Variants in MTUS2 observed in about 807,000 individuals in gnomAD.
MTUS2 encodes microtubule-associated tumor suppressor candidate 2.
MTUS2 carries 40 observed loss-of-function variants against 114.1 expected under a neutral mutation model. The ratio of observed to expected loss-of-function variants is 0.35; its 90% CI spans 0.27 to 0.46. The LOEUF (loss-of-function observed/expected upper bound fraction) is 0.46, where lower values mean the gene tolerates loss of function less well. MTUS2 is among the 20% of genes least tolerant of loss of function. The probability of loss-of-function intolerance (pLI) is 1.00; values close to 1 mark genes in which losing one functional copy is unlikely to be tolerated. For missense variants in MTUS2, 1,679 were observed against 1,705.4 expected (o/e 0.98, Z 0.27); for synonymous variants, 688 against 672.0 (o/e 1.02, Z -0.37).
At chr13:29,034,654 G>T (rs1886981527) in intron 4 of MTUS2, among the ~76,000 whole-genome samples, 1 of 152,222 alleles carries the variant, frequency 6.6e-6, no homozygotes, top group Admixed American at 6.5e-5. Flanking sequence ...AGGCAGATAA[G>T]AGTCAAGCAA....
At chr13:29,228,353 C>T (rs1222495725) in intron 5 of MTUS2, among the ~76,000 whole-genome samples, 1 of 152,198 alleles carries the variant, frequency 6.6e-6, no homozygotes, top group East Asian at 1.9e-4. Flanking sequence ...TGGGATCTCA[C>T]TCTGTTGCCC....
At chr13:28,906,075 A>G (rs1311729650) in intron 2 of MTUS2, among the ~76,000 whole-genome samples, 1 of 151,274 alleles carries the variant, frequency 6.6e-6, no homozygotes, top group Non-Finnish European at 1.5e-5. Context: ...ATGGTAGTTT[A>G]TATTTCTGTG....
chr13:29,064,760 T>C (rs1015843840), intron 4 of MTUS2, among the ~76,000 whole-genome samples: 13 of 152,136 alleles, frequency 8.5e-5, no homozygotes, highest in South Asian at 6.2e-4. Context: ...CCAATAGATA[T>C]TTTTTCTGCT....
intron 8 of MTUS2, among the ~76,000 whole-genome samples, chr13:29,381,950 A>G (rs1440417253): frequency 1.3e-5 from 2 of 152,240 alleles, no homozygotes; most frequent in African/African-American, 4.8e-5. Flanking sequence ...CCATCATTCA[A>G]GAAATAATCA....
chr13:29,138,380 G>A (rs1037968572), intron 5 of MTUS2, among the ~76,000 whole-genome samples: 3 of 151,012 alleles, frequency 2.0e-5, no homozygotes, highest in African/African-American at 7.3e-5. Context: ...TTCCTACTTT[G>A]CCATCTTCTC....
intron 5 of MTUS2, among the ~76,000 whole-genome samples, chr13:29,133,665 T>G (rs1191887432): frequency 6.6e-6 from 1 of 152,198 alleles, no homozygotes; most frequent in African/African-American, 2.4e-5. Flanking sequence ...ACCATAAATG[T>G]AAGGGTTTAC....
intron 5 of MTUS2, among the ~76,000 whole-genome samples, chr13:29,167,366 C>A (rs2139103131): frequency 6.6e-6 from 1 of 150,434 alleles, no homozygotes; most frequent in South Asian, 2.1e-4. Context: ...CAGAGCAAGA[C>A]TCTATCTCAG....
intron 2 of MTUS2, among the ~76,000 whole-genome samples, chr13:28,972,582 G>T (rs1405058024): frequency 6.6e-6 from 1 of 152,112 alleles, no homozygotes; most frequent in Non-Finnish European, 1.5e-5. Context: ...AGCCACTTAG[G>T]TTAGTTTTAC....
At chr13:28,960,509 T>A (rs1056075647) in intron 2 of MTUS2, among the ~76,000 whole-genome samples, 1 of 152,186 alleles carries the variant, frequency 6.6e-6, no homozygotes, top group African/African-American at 2.4e-5. Context: ...TACAATTGAA[T>A]GTTATTCAGC....
chr13:29,069,413 A>G (rs1489121473), intron 4 of MTUS2, among the ~76,000 whole-genome samples: 2 of 152,296 alleles, frequency 1.3e-5, no homozygotes, highest in African/African-American at 4.8e-5. Context: ...ACCTTCGTCT[A>G]CCTTTTTGCT....
chr13:29,386,265 A>G (rs1279781768), intron 8 of MTUS2, among the ~76,000 whole-genome samples: 1 of 152,194 alleles, frequency 6.6e-6, no homozygotes, highest in Non-Finnish European at 1.5e-5. Flanking sequence ...GGAGAGGGAG[A>G]TGGGACTCAA....
chr13:28,855,012 T>C (rs894293212), intron 2 of MTUS2, among the ~76,000 whole-genome samples: 1 of 152,176 alleles, frequency 6.6e-6, no homozygotes, highest in African/African-American at 2.4e-5. Flanking sequence ...TTGGTGTTTC[T>C]CCGAGGTTCC....
chr13:29,375,291 A>G (rs1871500427), intron 8 of MTUS2, among the ~76,000 whole-genome samples: 2 of 151,144 alleles, frequency 1.3e-5, no homozygotes, highest in Admixed American at 1.3e-4. Flanking sequence ...AGGAGTTTTT[A>G]ATAGGAGTTC....
At chr13:28,937,158 T>C (rs1030907331) in intron 2 of MTUS2, among the ~76,000 whole-genome samples, 1 of 152,168 alleles carries the variant, frequency 6.6e-6, no homozygotes, top group Non-Finnish European at 1.5e-5. Context: ...GGAGAACTTT[T>C]CTGTCTTACA....
chr13:29,481,089 T>C (rs1881130420), intron 10 of MTUS2, among the ~76,000 whole-genome samples: 2 of 152,156 alleles, frequency 1.3e-5, no homozygotes, highest in Non-Finnish European at 2.9e-5. Context: ...CTGCCAACTC[T>C]CCTGCTGGAT....
At chr13:29,373,130 G>A (rs988726082) in intron 8 of MTUS2, among the ~76,000 whole-genome samples, 1 of 152,200 alleles carries the variant, frequency 6.6e-6, no homozygotes, top group South Asian at 2.1e-4. Flanking sequence ...GGTCTGACTC[G>A]AGAAGTGGGA....
intron 8 of MTUS2, among the ~76,000 whole-genome samples, chr13:29,425,272 G>A (rs1294537053): frequency 6.6e-6 from 1 of 152,068 alleles, no homozygotes; most frequent in Non-Finnish European, 1.5e-5. Context: ...AATTACCTGG[G>A]CGTGATGGCA....
intron 8 of MTUS2, among the ~76,000 whole-genome samples, chr13:29,383,943 T>G (rs7318505): frequency 0.45 from 68,849 of 151,966 alleles, 18,840 homozygotes; most frequent in East Asian, 0.66. Flanking sequence ...CAGCAAAACA[T>G]ATAAAGTAGT....
At chr13:28,849,837 C>G (rs932716802) in intron 2 of MTUS2, among the ~76,000 whole-genome samples, 28 of 152,176 alleles carry the variant, frequency 1.8e-4, no homozygotes, top group Non-Finnish European at 2.5e-4. Context: ...CTGAGTTTTC[C>G]AAGACTCAGC....
Sources: allele counts gnomAD v4.1 joint callset (sites outside exome capture counted in the v4.1 genomes callset), GRCh38; gene constraint gnomAD v4.1.1; transcripts MANE v1.5; gene names NCBI Gene and HGNC (gene_info 2026-07-23, HGNC 2026-07-21).